PMEPA1: variants seen among roughly 807,000 people sequenced by gnomAD.
The protein encoded by PMEPA1 is protein TMEPAI.
In PMEPA1, 11 loss-of-function variants were observed where a neutral mutation model predicts 23.0. That is an observed-to-expected ratio of 0.48 (90% CI 0.30 to 0.79). PMEPA1 has a LOEUF of 0.79. Ranked by LOEUF, PMEPA1 falls within the 30% of genes least tolerant of loss-of-function variation. PMEPA1 has a pLI of 0.06. For missense variants in PMEPA1, 377 were observed against 390.9 expected, an observed-to-expected ratio of 0.96 and a Z score of 0.30; for synonymous variants, 204 against 166.4, an observed-to-expected ratio of 1.23 and a Z score of -1.74.
At chr20:57,696,866 T>C (rs1186905557) in intron 1 of PMEPA1, among the ~76,000 whole-genome samples, 1 of 152,236 alleles carries the variant, frequency 6.6e-6, no homozygotes, top group Non-Finnish European at 1.5e-5. Context: ...GAGGCCTCTG[T>C]GCACATTTCC....
chr20:57,710,406 G>C, upstream of PMEPA1: 2 of 1,572,114 alleles, frequency 1.3e-6, no homozygotes, highest in South Asian at 1.1e-5. Context: ...GGTCCCTGGG[G>C]GCTCAGGGAA....
Position 57,682,007 on chromosome 20 carries a change from G to A in PMEPA1, c.110-22310C>T, listed in dbSNP as rs938068012. On this transcript the variant is annotated intron_variant, in intron 1 of 3. Transcript: ENST00000341744. This position sits in a 1 kb window ranked among gnomAD's most constrained non-coding sequence, Gnocchi z 4.4. ...GTGACACTGTCGAATCTCCTCCTCCGTTCAGTATCTGACTCTGTTTCCCAT... is the reference window on the plus strand; with the variant it reads ...GTGACACTGTCGAATCTCCTCCTCCATTCAGTATCTGACTCTGTTTCCCAT... Among the ~76,000 whole-genome samples the A allele has an allele frequency of 6.6e-5, 10 of 152,148 alleles. No homozygotes were observed. Among genetic ancestry groups the A allele is most frequent in the African/African-American group, 2.2e-4 (9 of 41,408 alleles).
chr20:57,687,489 C>G (rs760143586), intron 1 of PMEPA1, among the ~76,000 whole-genome samples: 1 of 152,198 alleles, frequency 6.6e-6, no homozygotes. Flanking sequence ...CTGGCAACCA[C>G]GACTGACATT....
At chr20:57,662,893 G>A (rs959742720) in intron 1 of PMEPA1, among the ~76,000 whole-genome samples, 5 of 152,154 alleles carry the variant, frequency 3.3e-5, no homozygotes, top group Non-Finnish European at 4.4e-5. Flanking sequence ...GCAGTGAGAC[G>A]GTAGCTGGGG....
chr20:57,675,330 C>T (rs967741499), intron 1 of PMEPA1, among the ~76,000 whole-genome samples: 5 of 152,332 alleles, frequency 3.3e-5, no homozygotes, highest in East Asian at 1.9e-4. Flanking sequence ...CCAGCAGCCC[C>T]GACCCCTCCA....
At chr20:57,684,159 C>T (rs1438888582) in intron 1 of PMEPA1, among the ~76,000 whole-genome samples, 1 of 152,180 alleles carries the variant, frequency 6.6e-6, no homozygotes, top group South Asian at 2.1e-4. Flanking sequence ...AGCTTTTGTG[C>T]CCCCTACCAA....
rs766233007 is a variant in PMEPA1, at chr20:57,698,372, T to C, written c.109+11102A>G. Among the ~76,000 whole-genome samples the C allele has an allele frequency of 5.9e-5, 9 of 152,320 alleles. No individual in the cohort carries two copies. In the East Asian group the frequency reaches 1.2e-3, roughly 20 times the overall value. On this transcript the variant is annotated intron_variant, in intron 1 of 3. Coordinates refer to ENST00000341744, the MANE Select transcript of PMEPA1 (RefSeq NM_020182.5). The stretch of plus-strand genomic sequence containing the variant: ...GCTTCCTCCTATGGCCGTGACCCTA[T>C]TGGCTTCTAAGCTCAGCCCCATATG...
chr20:57,651,981 C>T lies in PMEPA1; in HGVS notation c.*72G>A. Reference sequence around the variant, plus strand: ...TGCTGCGCCCCCCGCCTTCCTCTCACTCCTCTTCTAAGAAGCGCGGAGTGT... The same window carrying T: ...TGCTGCGCCCCCCGCCTTCCTCTCATTCCTCTTCTAAGAAGCGCGGAGTGT... On this transcript the variant is annotated 3_prime_UTR_variant, in exon 4 of 4. Transcript: ENST00000341744. 1 of 1,334,820 alleles carries T rather than the reference C, an allele frequency of 7.5e-7. No homozygotes were observed. The highest frequency in any genetic ancestry group is 1.5e-5 in the African/African-American group (1 of 67,470). 82.7% of individuals were successfully genotyped at this position (1,334,820 alleles called of 1,614,324 possible). A position where few individuals can be genotyped will look rare whatever the true frequency, so the allele number is the denominator to read the frequency against.
chr20:57,652,998 G>C lies in PMEPA1; in HGVS notation c.318+35C>G, dbSNP rs1238929628. On this transcript the variant is annotated intron_variant, in intron 3 of 3. Coordinates refer to ENST00000341744, the MANE Select transcript of PMEPA1 (RefSeq NM_020182.5). This position sits in a 1 kb window ranked among gnomAD's most constrained non-coding sequence, Gnocchi z 6.1. ...CAGCGGGAGCAGCCCAGGGTGGGATGGGGGTGTTGGAGGGGAGGCCGAGGG... is the reference window on the plus strand; with the variant it reads ...CAGCGGGAGCAGCCCAGGGTGGGATCGGGGTGTTGGAGGGGAGGCCGAGGG... The C allele has an allele frequency of 3.2e-6, 5 of 1,558,748 alleles. No homozygotes were observed. Among genetic ancestry groups the C allele is most frequent in the Non-Finnish European group, 4.4e-6 (5 of 1,142,562 alleles).
intron 1 of PMEPA1, chr20:57,699,878 G>T (rs563789982): frequency 5.2e-6 from 2 of 381,206 alleles, no homozygotes; most frequent in East Asian, 7.3e-5. Context: ...TCCAACAAGG[G>T]ACCTCAGAGA....
intron 2 of PMEPA1, among the ~76,000 whole-genome samples, chr20:57,657,242 C>T (rs1468757626): frequency 3.3e-5 from 5 of 152,186 alleles, no homozygotes. Flanking sequence ...GATGCACACA[C>T]TGAGGCTCCG....
At chr20:57,659,745 G>T in intron 1 of PMEPA1, 48 bp from the exon 2 acceptor site, 2 of 1,528,274 alleles carry the variant, frequency 1.3e-6, no homozygotes, top group Non-Finnish European at 1.8e-6. Flanking sequence ...CCTGCAGGTC[G>T]CTGTGCTCAG....
At chr20:57,671,892 C>T (rs917443207) in intron 1 of PMEPA1, among the ~76,000 whole-genome samples, 3 of 152,204 alleles carry the variant, frequency 2.0e-5, no homozygotes, top group Non-Finnish European at 2.9e-5. Context: ...GGGCAAGTCA[C>T]CCCTGGCTAA....
At chr20:57,669,991 C>T (rs182083908) in intron 1 of PMEPA1, among the ~76,000 whole-genome samples, 21 of 152,262 alleles carry the variant, frequency 1.4e-4, no homozygotes, top group African/African-American at 5.1e-4. Flanking sequence ...CTGACAAGGG[C>T]TGCTGCGGGA....
intron 1 of PMEPA1, among the ~76,000 whole-genome samples, chr20:57,708,370 T>C (rs1036013682): frequency 6.6e-6 from 1 of 152,170 alleles, no homozygotes; most frequent in Admixed American, 6.5e-5. Context: ...AGGTGTAGGC[T>C]AGAAGCTAGA....
rs78565022 is a variant in PMEPA1 at position 57,666,101 on chromosome 20, C to A, written c.110-6404G>T. Among the ~76,000 whole-genome samples the A allele has an allele frequency of 7.7e-3, 1,173 of 152,186 alleles. 15 individuals carry two copies. Among genetic ancestry groups the A allele is most frequent in the African/African-American group, 0.027 (1,116 of 41,516 alleles). On this transcript the variant is annotated intron_variant, in intron 1 of 3. Transcript: ENST00000341744. ...AGCAGGCTCTCGGGGGTGACCAAGC[C>A]CATCTTCCAAACACAAAATAAGGTC...
rs186040658 is a variant in PMEPA1, at chr20:57,672,378, G to T, written c.110-12681C>A. ...GACATGAGCCAGGATGGCGGGCGGC[G>T]CCCAGGGGAGGGGAAGTGAACCGGG... is the stretch of plus-strand genomic sequence containing the variant. On this transcript the variant is annotated intron_variant, in intron 1 of 3. Transcript: ENST00000341744. Among the ~76,000 whole-genome samples, 204 of 152,374 alleles carry T rather than the reference G, an allele frequency of 1.3e-3. 2 individuals are homozygous for T. Among genetic ancestry groups the T allele is most frequent in the African/African-American group, 4.5e-3 (188 of 41,592 alleles).
At position 57,682,373 on chromosome 20, in the gene PMEPA1, C is replaced by T. The variant is rs767619604; in HGVS notation, c.110-22676G>A. Among the ~76,000 whole-genome samples, 20 of 152,104 alleles carry T rather than the reference C, an allele frequency of 1.3e-4. No homozygotes were observed. Among genetic ancestry groups the T allele is most frequent in the South Asian group, 2.1e-4 (1 of 4,812 alleles). ...TTCTCTGAGCCTCGGTGGTTTCATC[C>T]ATAAAATGGGGAAATGACAGCCCGC... On this transcript the variant is annotated intron_variant, in intron 1 of 3. Coordinates refer to ENST00000341744, the MANE Select transcript of PMEPA1 (RefSeq NM_020182.5). This position sits in a 1 kb window ranked among gnomAD's most constrained non-coding sequence, Gnocchi z 4.4.
chr20:57,686,226 G>C (rs528037212), intron 1 of PMEPA1, among the ~76,000 whole-genome samples: 1 of 152,214 alleles, frequency 6.6e-6, no homozygotes, highest in Non-Finnish European at 1.5e-5. Flanking sequence ...CTTCCCCTGG[G>C]ACTGTCAGCT....
Sources: gnomAD v4.1 joint callset for allele counts (sites outside exome capture counted in the v4.1 genomes callset) on GRCh38, gnomAD v4.1.1 for gene constraint, Gnocchi (gnomAD v3.1) non-coding constraint, MANE v1.5 for transcripts, NCBI Gene and HGNC (gene_info 2026-07-23, HGNC 2026-07-21) for gene names.